The following DIAPH3 variants were observed in gnomAD, a reference collection of about 807,000 sequenced individuals.
DIAPH3 encodes the protein diaphanous related formin 3.
Under a neutral mutation model 144.3 loss-of-function variants are expected in DIAPH3, and 117 were observed. That is an observed-to-expected ratio of 0.81 (90% confidence interval 0.70 to 0.95). The LOEUF (loss-of-function observed/expected upper bound fraction) is 0.95. DIAPH3 is among the 40% of genes least tolerant of loss of function. The pLI, the probability that DIAPH3 is intolerant of heterozygous loss-of-function variation, is 0.00. For missense variants in DIAPH3, 1,421 were observed against 1,412.7 expected (o/e 1.01, Z -0.09); for synonymous variants, 519 against 488.9 (o/e 1.06, Z -0.81).
chr13:59,813,042 C>T (rs1404860203), intron 24 of DIAPH3, among the ~76,000 whole-genome samples: 1 of 151,920 alleles, frequency 6.6e-6, no homozygotes, highest in Non-Finnish European at 1.5e-5. Context: ...GACTGCATTC[C>T]CTAAATTCAG....
chr13:60,065,786 C>A (rs1172158649), intron 4 of DIAPH3, among the ~76,000 whole-genome samples: 1 of 151,940 alleles, frequency 6.6e-6, no homozygotes, highest in Non-Finnish European at 1.5e-5. Flanking sequence ...GCACACCAAT[C>A]ACAGCTTTGA....
intron 2 of DIAPH3, among the ~76,000 whole-genome samples, chr13:60,114,185 G>A (rs1209814064): frequency 7.9e-6 from 1 of 127,140 alleles, no homozygotes; most frequent in African/African-American, 3.0e-5. Flanking sequence ...ACCCTAAAAT[G>A]GGCATTTTTT....
At chr13:59,733,360 T>A (rs1365242096) in intron 27 of DIAPH3, among the ~76,000 whole-genome samples, 1 of 152,166 alleles carries the variant, frequency 6.6e-6, no homozygotes, top group Admixed American at 6.5e-5. Context: ...CCGTAAAATC[T>A]TTCAATCTAA....
At position 60,132,994 on chromosome 13, in the gene DIAPH3, A is replaced by G; in HGVS notation, c.181-5T>C. On this transcript the variant is annotated splice_polypyrimidine_tract_variant and splice_region_variant and intron_variant, in intron 1 of 27. Coordinates refer to ENST00000400324, the MANE Select transcript of DIAPH3 (RefSeq NM_001042517.2). ...CAGTGTCCTAATATTTAAATGCTGCAAATTAAAAAAAAGCAATCATATTAG... is the reference window on the plus strand; with the variant it reads ...CAGTGTCCTAATATTTAAATGCTGCGAATTAAAAAAAAGCAATCATATTAG... 6.2e-7 allele frequency: 1 copy of G among 1,600,758 alleles called. No individual in the cohort carries two copies. The highest frequency in any genetic ancestry group is 2.2e-5 in the East Asian group (1 of 44,654).
At chr13:59,957,612 C>G (rs2049487278) in intron 17 of DIAPH3, among the ~76,000 whole-genome samples, 1 of 152,140 alleles carries the variant, frequency 6.6e-6, no homozygotes, top group Non-Finnish European at 1.5e-5. Context: ...TGCCGTTTTT[C>G]TTGCTATTAG....
chr13:60,012,138 T>A (rs1377869733), intron 7 of DIAPH3, among the ~76,000 whole-genome samples: 1 of 152,174 alleles, frequency 6.6e-6, no homozygotes, highest in Non-Finnish European at 1.5e-5. Flanking sequence ...ATAACCAGCT[T>A]AGACCCAAGT....
At chr13:59,674,692 C>T (rs770163926) in intron 27 of DIAPH3, among the ~76,000 whole-genome samples, 1 of 152,170 alleles carries the variant, frequency 6.6e-6, no homozygotes, top group African/African-American at 2.4e-5. Context: ...CATGGCCTCC[C>T]TAAACATTCC....
chr13:59,831,285 C>T (rs1158663760), intron 24 of DIAPH3, among the ~76,000 whole-genome samples: 1 of 151,672 alleles, frequency 6.6e-6, no homozygotes, highest in Non-Finnish European at 1.5e-5. Context: ...GATAATTTGC[C>T]GGAAGGGCTC....
intron 24 of DIAPH3, among the ~76,000 whole-genome samples, chr13:59,814,786 T>G (rs2040675010): frequency 6.6e-6 from 1 of 152,222 alleles, no homozygotes; most frequent in Non-Finnish European, 1.5e-5. Context: ...AGCTACACTT[T>G]GCCTAAAGAA....
intron 25 of DIAPH3, among the ~76,000 whole-genome samples, chr13:59,791,246 G>A (rs1456841196): frequency 1.3e-5 from 2 of 152,102 alleles, no homozygotes; most frequent in Admixed American, 6.6e-5. Context: ...TTGGGATTAC[G>A]GGTGTGAGCC....
At chr13:60,138,774 AAGG>A (rs1314974317) in intron 1 of DIAPH3, among the ~76,000 whole-genome samples, 19 of 68,194 alleles carry the variant, frequency 2.8e-4, no homozygotes, top group South Asian at 5.6e-4. Context: ...GGAGAAGGAG[AAGG>A]AGAAGAAGGG....
intron 3 of DIAPH3, among the ~76,000 whole-genome samples, chr13:60,106,128 G>C (rs759372932): frequency 2.6e-5 from 4 of 151,914 alleles, no homozygotes; most frequent in African/African-American, 9.7e-5. Context: ...GATTTTTATC[G>C]GTTCACCTGA....
intron 22 of DIAPH3, among the ~76,000 whole-genome samples, chr13:59,850,405 A>G (rs1249126848): frequency 1.3e-5 from 2 of 151,650 alleles, no homozygotes; most frequent in Admixed American, 1.3e-4. Flanking sequence ...GCCAGTTTTC[A>G]AAGGGAATGC....
intron 27 of DIAPH3, among the ~76,000 whole-genome samples, chr13:59,698,833 C>T (rs1378256403): frequency 6.6e-6 from 1 of 152,150 alleles, no homozygotes; most frequent in African/African-American, 2.4e-5. Flanking sequence ...TCCCCAACTG[C>T]AGCTTACATG....
intron 27 of DIAPH3, among the ~76,000 whole-genome samples, chr13:59,683,389 T>C (rs548250611): frequency 1.3e-5 from 2 of 152,122 alleles, no homozygotes; most frequent in Non-Finnish European, 2.9e-5. Flanking sequence ...TTGTGTTAGA[T>C]TCTAAAAGAA....
chr13:59,926,971 T>C (rs1350676685), intron 17 of DIAPH3, among the ~76,000 whole-genome samples: 1 of 152,210 alleles, frequency 6.6e-6, no homozygotes, highest in Non-Finnish European at 1.5e-5. Context: ...CTTGTAGATA[T>C]AATAATATCT....
intron 25 of DIAPH3, among the ~76,000 whole-genome samples, chr13:59,798,053 T>C (rs1000876246): frequency 1.2e-4 from 19 of 152,182 alleles, no homozygotes; most frequent in African/African-American, 4.1e-4. Context: ...CAGCATCACC[T>C]ACCTGTTCAT....
At chr13:59,850,041 G>T (rs1428274952) in intron 22 of DIAPH3, among the ~76,000 whole-genome samples, 1 of 142,640 alleles carries the variant, frequency 7.0e-6, no homozygotes, top group Non-Finnish European at 1.5e-5. Context: ...CACATCCCTT[G>T]TAAGTTGGAT....
At chr13:59,773,890 T>A (rs2038250788) in intron 27 of DIAPH3, among the ~76,000 whole-genome samples, 1 of 152,172 alleles carries the variant, frequency 6.6e-6, no homozygotes, top group Non-Finnish European at 1.5e-5. Context: ...AAAAGTGTTA[T>A]GAGAAAGAGT....
Sources: allele counts gnomAD v4.1 joint callset (sites outside exome capture counted in the v4.1 genomes callset), GRCh38; gene constraint gnomAD v4.1.1; transcripts MANE v1.5; gene names NCBI Gene and HGNC (gene_info 2026-07-23, HGNC 2026-07-21).